The following SPON2 variants were observed in gnomAD, a reference collection of about 807,000 sequenced individuals.
The protein encoded by SPON2 is spondin-2.
Under a neutral mutation model 29.9 loss-of-function variants are expected in SPON2, and 32 were observed. The observed-to-expected ratio is 1.07, with a 90% CI of 0.81 to 1.44. SPON2 has a LOEUF of 1.44. Ranked by LOEUF, SPON2 falls within the 40% of genes most tolerant of loss-of-function variation. The pLI is 0.00. For missense variants in SPON2, 541 were observed against 455.5 expected, an observed-to-expected ratio of 1.19 and a Z score of -1.71; for synonymous variants, 248 against 209.1, an observed-to-expected ratio of 1.19 and a Z score of -1.61.
At chr4:1,184,273 ATTACT>A (rs781288298) in intron 1 of SPON2, among the ~76,000 whole-genome samples, 2 of 152,214 alleles carry the variant, frequency 1.3e-5, no homozygotes, top group Non-Finnish European at 2.9e-5. Flanking sequence ...CTGGCCAGTA[ATTACT>A]TTAAATGAAA....
chr4:1,192,167 C>T lies in SPON2; in HGVS notation c.-239+2823G>A, dbSNP rs1014332296. ...TCTCTCAAGGCCTCAGTTTCTTCCTCTGCAGAGTGTGGGATGGGGGTGACC... is the reference window on the plus strand; with the variant it reads ...TCTCTCAAGGCCTCAGTTTCTTCCTTTGCAGAGTGTGGGATGGGGGTGACC... On this transcript the variant is annotated intron_variant, in intron 1 of 3. Coordinates refer to the SPON2 transcript ENST00000502483. Among the ~76,000 whole-genome samples the T allele has an allele frequency of 3.3e-5, 5 of 152,264 alleles. No homozygotes were observed. The East Asian group carries it at 9.6e-4, about 29-fold the overall frequency.
rs760824440 is a variant in SPON2, at chr4:1,171,406, C to T, written c.301G>A (p.Gly101Ser). Residue 101 changes from glycine (G) to serine (S), a missense_variant, in exon 3 of 6, where the codon GGC becomes AGC. Transcript: ENST00000290902. Reference protein sequence around the residue: ...SNGLRDFAERGEAWALMKEIE... With the variant: ...SNGLRDFAERSEAWALMKEIE... ...TCCTTCATCAGCGCCCAGGCCTCGCCGCGCTCCGCAAAGTCGCGCAGCCCG... is the reference window on the plus strand; with the variant it reads ...TCCTTCATCAGCGCCCAGGCCTCGCTGCGCTCCGCAAAGTCGCGCAGCCCG... 5 of 1,612,346 alleles carry T rather than the reference C, an allele frequency of 3.1e-6. No homozygotes were observed. Among genetic ancestry groups the T allele is most frequent in the Non-Finnish European group, 3.4e-6 (4 of 1,179,802 alleles).
intron 1 of SPON2, among the ~76,000 whole-genome samples, chr4:1,192,211 T>C (rs1727927942): frequency 6.6e-6 from 1 of 152,196 alleles, no homozygotes. Context: ...TGGCCCCACA[T>C]GCTTTAGCAC....
At chr4:1,169,474 C>T (rs1336715377) in intron 5 of SPON2, among the ~76,000 whole-genome samples, 1 of 152,166 alleles carries the variant, frequency 6.6e-6, no homozygotes, top group African/African-American at 2.4e-5. Context: ...TGGTTCCCGC[C>T]AGCCAGGCGG....
upstream of SPON2, among the ~76,000 whole-genome samples, chr4:1,197,407 C>T (rs1461339408): frequency 6.6e-6 from 1 of 152,124 alleles, no homozygotes; most frequent in African/African-American, 2.4e-5. Context: ...CAACACACTC[C>T]CAGGTAGCCC....
In SPON2 at chr4:1,172,060, G is replaced by A. The variant is rs1727477943; in HGVS notation, c.12C>T (p.Pro4=). 2 of 1,611,136 alleles carry A rather than the reference G, an allele frequency of 1.2e-6. No homozygotes were observed. The highest frequency in any genetic ancestry group is 1.3e-5 in the African/African-American group (1 of 74,866). MEN[P]SPAAALGKAL... is the part of the protein sequence containing the mutation. The stretch of plus-strand genomic sequence containing the variant: ...CCTTGCCCAGGGCGGCGGCCGGGCT[G>A]GGGTTTTCCATCACCTGGGAGCACA... Residue 4 remains proline (P), a synonymous_variant, in exon 2 of 6, where the codon CCC becomes CCT. Transcript: ENST00000290902.
chr4:1,203,867 A>G (rs1728275275), intron 1 of SPON2, among the ~76,000 whole-genome samples: 1 of 150,956 alleles, frequency 6.6e-6, no homozygotes, highest in Non-Finnish European at 1.5e-5. Context: ...CATCTATTCA[A>G]ATTCTTTTGC....
intron 1 of SPON2, among the ~76,000 whole-genome samples, chr4:1,185,418 C>A (rs1299811410): frequency 6.6e-6 from 1 of 151,630 alleles, no homozygotes; most frequent in Non-Finnish European, 1.5e-5. Flanking sequence ...ACCTGGACAT[C>A]CACATGCAAA....
At chr4:1,195,301 A>G (rs1728039923), upstream of SPON2, among the ~76,000 whole-genome samples, 1 of 152,058 alleles carries the variant, frequency 6.6e-6, no homozygotes, top group African/African-American at 2.4e-5. Flanking sequence ...CCGGCCTCGC[A>G]GGAACCACTT....
chr4:1,205,538 C>G (rs138699579), intron 1 of SPON2, among the ~76,000 whole-genome samples: 7 of 152,184 alleles, frequency 4.6e-5, no homozygotes, highest in Admixed American at 4.6e-4. Flanking sequence ...AACGAGGATC[C>G]TGGCCTCCCG....
At chr4:1,200,229 C>A (rs1466866740) in intron 1 of SPON2, among the ~76,000 whole-genome samples, 1 of 152,196 alleles carries the variant, frequency 6.6e-6, no homozygotes, top group Non-Finnish European at 1.5e-5. Context: ...TGTCCACTGT[C>A]TCTGACACGT....
At chr4:1,191,892 GACAGCCAGCCCCTCCCCATAGGCCTAC>G (rs1727921389) in intron 1 of SPON2, among the ~76,000 whole-genome samples, 1 of 152,174 alleles carries the variant, frequency 6.6e-6, no homozygotes, top group Non-Finnish European at 1.5e-5. Flanking sequence ...TAGCTCCCAG[GACAGCCAGCCCCTCCCCATAGGCCTAC>G]ACACCCAGCC....
intron 1 of SPON2, among the ~76,000 whole-genome samples, chr4:1,189,163 T>C (rs1358427169): frequency 6.6e-6 from 1 of 151,918 alleles, no homozygotes. Flanking sequence ...TATACTAAAA[T>C]ACAGATGAAG....
rs549735791 is a variant in SPON2, at chr4:1,170,614, G to C, written c.637-38C>G. The C allele has an allele frequency of 7.0e-6, 11 of 1,579,612 alleles. No homozygotes were observed. The South Asian group carries it at 1.1e-4, about 16-fold the overall frequency. On this transcript the variant is annotated intron_variant, in intron 4 of 5. Transcript: ENST00000290902. Reference sequence around the variant, plus strand: ...AAGAGGAGGTTGGCCTGGGGTCCGAGAAGCCCACCTTCTGGTATGCGTATG... The same window carrying C: ...AAGAGGAGGTTGGCCTGGGGTCCGACAAGCCCACCTTCTGGTATGCGTATG...
intron 1 of SPON2, among the ~76,000 whole-genome samples, chr4:1,186,969 A>T (rs11930225): frequency 0.19 from 28,853 of 152,210 alleles, 3,360 homozygotes; most frequent in African/African-American, 0.33. Context: ...ACACGATAAG[A>T]GTTCCTCAAA....
upstream of SPON2, among the ~76,000 whole-genome samples, chr4:1,175,652 G>C (rs1053847230): frequency 2.6e-5 from 4 of 151,760 alleles, no homozygotes; most frequent in African/African-American, 7.3e-5. Flanking sequence ...GGTGGTAGTA[G>C]GCCCAGGCCT....
At chr4:1,171,240 C>T (rs897006536) in intron 3 of SPON2, 23 bp downstream of exon 3, 4 of 1,430,158 alleles carry the variant, frequency 2.8e-6, no homozygotes, top group South Asian at 1.5e-5. Flanking sequence ...CCGGACCCCG[C>T]CCCCGGCCGG....
chr4:1,181,770 G>A (rs1024258635), intron 1 of SPON2, among the ~76,000 whole-genome samples: 1 of 152,226 alleles, frequency 6.6e-6, no homozygotes, highest in African/African-American at 2.4e-5. Flanking sequence ...AAAGGATGTT[G>A]TCCTTCAGAT....
intron 1 of SPON2, among the ~76,000 whole-genome samples, chr4:1,201,635 T>A (rs1048396743): frequency 5.3e-5 from 8 of 151,926 alleles, no homozygotes; most frequent in Non-Finnish European, 1.2e-4. Flanking sequence ...CAGGCTATAG[T>A]GCAGTGGCGT....
Sources: gnomAD v4.1 joint callset for allele counts (sites outside exome capture counted in the v4.1 genomes callset) on GRCh38, gnomAD v4.1.1 for gene constraint, MANE v1.5 for transcripts, NCBI Gene and HGNC (gene_info 2026-07-23, HGNC 2026-07-21) for gene names.